The following NUBPL variants were observed in gnomAD, a reference collection of about 807,000 sequenced individuals.
NUBPL encodes iron-sulfur cluster transfer protein NUBPL.
A neutral mutation model predicts 45.7 loss-of-function variants in NUBPL; 31 were observed. The ratio of observed to expected loss-of-function variants is 0.68; its 90% CI spans 0.51 to 0.92. The LOEUF is 0.92. Among genes scored for constraint, NUBPL ranks in the 40% least tolerant of loss-of-function variants. NUBPL has a pLI of 0.00. For synonymous variants in NUBPL, 144 were observed against 140.9 expected (o/e 1.02, Z -0.15); for missense variants, 401 against 398.7 (o/e 1.01, Z -0.05).
chr14:31,619,208 A>G (rs2034993436), intron 4 of NUBPL, among the ~76,000 whole-genome samples: 2 of 152,140 alleles, frequency 1.3e-5, no homozygotes, highest in South Asian at 4.1e-4. Flanking sequence ...TCCTGAATAC[A>G]GCACACCAAT....
intron 7 of NUBPL, among the ~76,000 whole-genome samples, chr14:31,794,985 G>A (rs1199995231): frequency 7.3e-6 from 1 of 136,854 alleles, no homozygotes; most frequent in East Asian, 2.3e-4. Flanking sequence ...TTATTAAATA[G>A]GGAATCCTTT....
chr14:31,714,623 C>T (rs1394654354), intron 6 of NUBPL: 3 of 152,272 alleles, frequency 2.0e-5, no homozygotes, highest in Admixed American at 6.5e-5. Context: ...CACTTATCAC[C>T]AAGAGGATGG....
intron 4 of NUBPL, among the ~76,000 whole-genome samples, chr14:31,623,000 A>G (rs2035107227): frequency 6.6e-6 from 1 of 152,226 alleles, no homozygotes; most frequent in Non-Finnish European, 1.5e-5. Flanking sequence ...ATGTCAGTTC[A>G]TGAAAGCAGC....
chr14:31,564,177 G>A (rs772847252), intron 2 of NUBPL, among the ~76,000 whole-genome samples: 3 of 152,090 alleles, frequency 2.0e-5, no homozygotes, highest in Admixed American at 6.5e-5. Flanking sequence ...TACTCTTCTC[G>A]GATGTAGCAT....
At chr14:31,695,379 C>G (rs1030895073) in intron 6 of NUBPL, among the ~76,000 whole-genome samples, 2 of 144,392 alleles carry the variant, frequency 1.4e-5, no homozygotes, top group African/African-American at 5.1e-5. Flanking sequence ...GCTACTGGAG[C>G]TATCTAAGAC....
At chr14:31,846,639 G>C in intron 9 of NUBPL, 48 bp downstream of exon 9, 1 of 1,607,334 alleles carries the variant, frequency 6.2e-7, no homozygotes, top group East Asian at 2.2e-5. Context: ...AGAAGAGAAA[G>C]TGGGGATGAG....
At chr14:31,656,642 A>G (rs1033251980) in intron 4 of NUBPL, among the ~76,000 whole-genome samples, 1 of 152,170 alleles carries the variant, frequency 6.6e-6, no homozygotes, top group African/African-American at 2.4e-5. Flanking sequence ...CACACAACAT[A>G]TATTGAATAG....
intron 2 of NUBPL, 50 bp downstream of exon 2, chr14:31,562,265 A>G: frequency 1.4e-6 from 2 of 1,471,538 alleles, no homozygotes; most frequent in Non-Finnish European, 1.9e-6. Context: ...ATGCCAACAG[A>G]CAAGTGCACA....
At chr14:31,846,829 G>A (rs1004202670) in intron 9 of NUBPL, among the ~76,000 whole-genome samples, 3 of 152,036 alleles carry the variant, frequency 2.0e-5, no homozygotes, top group South Asian at 2.1e-4. Flanking sequence ...GGTGGCGGGC[G>A]CCTGCAGTCC....
At chr14:31,641,452 A>G (rs1461295014) in intron 4 of NUBPL, among the ~76,000 whole-genome samples, 2 of 152,026 alleles carry the variant, frequency 1.3e-5, no homozygotes, top group African/African-American at 2.4e-5. Context: ...GGCCTGGCTT[A>G]TTTCACTTAA....
At chr14:31,775,441 G>C (rs58097888) in intron 6 of NUBPL, among the ~76,000 whole-genome samples, 19,067 of 151,866 alleles carry the variant, frequency 0.13, 3,196 homozygotes, top group African/African-American at 0.39. Context: ...CAAAACAAAA[G>C]AAAGCAAAAA....
At chr14:31,766,171 A>C (rs916336839) in intron 6 of NUBPL, among the ~76,000 whole-genome samples, 6 of 152,222 alleles carry the variant, frequency 3.9e-5, no homozygotes, top group African/African-American at 1.4e-4. Context: ...TGGATGCCAA[A>C]GTAACACAAA....
chr14:31,640,513 G>T (rs2035659119), intron 4 of NUBPL, among the ~76,000 whole-genome samples: 1 of 151,636 alleles, frequency 6.6e-6, no homozygotes, highest in Non-Finnish European at 1.5e-5. Context: ...TACTCAGGAG[G>T]CTGAGGCAGG....
At chr14:31,761,143 A>G (rs1426473248) in intron 6 of NUBPL, among the ~76,000 whole-genome samples, 1 of 152,178 alleles carries the variant, frequency 6.6e-6, no homozygotes, top group South Asian at 2.1e-4. Flanking sequence ...AATGATGTAT[A>G]TAGCCTTTCA....
At chr14:31,792,854 TAAAAAGGTACC>T (rs1274088241) in intron 7 of NUBPL, among the ~76,000 whole-genome samples, 2 of 152,142 alleles carry the variant, frequency 1.3e-5, no homozygotes, top group Non-Finnish European at 2.9e-5. Flanking sequence ...ATAGCATATC[TAAAAAGGTACC>T]AAAAATGATT....
At chr14:31,803,363 C>T (rs553309922) in intron 7 of NUBPL, among the ~76,000 whole-genome samples, 20 of 152,074 alleles carry the variant, frequency 1.3e-4, no homozygotes, top group Non-Finnish European at 2.5e-4. Flanking sequence ...CATCTAATGC[C>T]AGTGTTTTGG....
At position 31,761,467 on chromosome 14, in the gene NUBPL, G is replaced by A. The variant is rs147307346; in HGVS notation, c.514-26313G>A. Among the ~76,000 whole-genome samples the A allele has an allele frequency of 2.4e-3, 373 of 152,250 alleles. 2 individuals are homozygous for A. The highest frequency in any genetic ancestry group is 8.3e-3 in the African/African-American group (345 of 41,536). The stretch of plus-strand genomic sequence containing the variant: ...ATATATAAAGTAAAAGAGTGAAGGC[G>A]TCCCACCCCTGGCCTTGCCCACTCT... On this transcript the variant is annotated intron_variant, in intron 6 of 10. Coordinates refer to ENST00000281081, the MANE Select transcript of NUBPL (RefSeq NM_025152.3).
intron 6 of NUBPL, among the ~76,000 whole-genome samples, chr14:31,724,258 G>A (rs1232871642): frequency 6.6e-6 from 1 of 152,166 alleles, no homozygotes; most frequent in Admixed American, 6.5e-5. Context: ...AAATTATAAT[G>A]CCTCACTGTT....
intron 4 of NUBPL, among the ~76,000 whole-genome samples, chr14:31,641,640 G>A (rs1327191413): frequency 2.6e-5 from 4 of 152,158 alleles, no homozygotes; most frequent in African/African-American, 7.2e-5. Context: ...CCTGATAAAC[G>A]TGGAAGTGCA....
Sources: gnomAD v4.1 joint callset for allele counts (sites outside exome capture counted in the v4.1 genomes callset) on GRCh38, gnomAD v4.1.1 for gene constraint, MANE v1.5 for transcripts, NCBI Gene and HGNC (gene_info 2026-07-23, HGNC 2026-07-21) for gene names.